ENTREP2: variants seen among roughly 807,000 people sequenced by gnomAD.
The protein encoded by ENTREP2 is protein ENTREP2.
At chr15:29,622,318 G>T in the ENTREP2 span, among the ~76,000 whole-genome samples, 27 of 152,176 alleles carry the variant, frequency 1.8e-4, 1 homozygote, top group African/African-American at 6.3e-4. Context: ...CAATTCTCCT[G>T]CTTCAGCCTC....
At chr15:29,225,166 A>T in the ENTREP2 span, among the ~76,000 whole-genome samples, 1 of 152,070 alleles carries the variant, frequency 6.6e-6, no homozygotes. Flanking sequence ...AACAGGCTCC[A>T]GCCTTGGCCA....
the ENTREP2 span, among the ~76,000 whole-genome samples, chr15:29,359,015 C>A: frequency 6.6e-6 from 1 of 152,084 alleles, no homozygotes; most frequent in Non-Finnish European, 1.5e-5. Context: ...AAATTCAAGA[C>A]AATAAAACAC....
At chr15:29,384,397 C>T in the ENTREP2 span, among the ~76,000 whole-genome samples, 371 of 152,242 alleles carry the variant, frequency 2.4e-3, no homozygotes, top group East Asian at 2.5e-3. Flanking sequence ...TGCCCTCTGC[C>T]GGCACGCTCC....
chr15:29,445,822 C>T, the ENTREP2 span, among the ~76,000 whole-genome samples: 4 of 152,178 alleles, frequency 2.6e-5, no homozygotes, highest in Non-Finnish European at 5.9e-5. Flanking sequence ...GGATTTGCAA[C>T]TGCCATCTAG....
chr15:29,374,289 C>T, the ENTREP2 span: 4 of 152,172 alleles, frequency 2.6e-5, no homozygotes, highest in East Asian at 7.7e-4. Flanking sequence ...TTTCTGCCTT[C>T]TTTTGCATTA....
chr15:29,199,356 C>T, the ENTREP2 span, among the ~76,000 whole-genome samples: 1 of 152,106 alleles, frequency 6.6e-6, no homozygotes, highest in Non-Finnish European at 1.5e-5. Flanking sequence ...GGATCTAACA[C>T]AGAAAAGAGA....
At chr15:29,420,348 A>C in the ENTREP2 span, among the ~76,000 whole-genome samples, 1 of 152,302 alleles carries the variant, frequency 6.6e-6, no homozygotes, top group African/African-American at 2.4e-5. Context: ...GGGGAAGAGG[A>C]CAAGGGAACT....
At chr15:29,134,827 G>A in the ENTREP2 span, among the ~76,000 whole-genome samples, 3 of 152,148 alleles carry the variant, frequency 2.0e-5, no homozygotes, top group African/African-American at 2.4e-5. Context: ...GTGGGCTCTC[G>A]GGATCTCAAA....
At chr15:29,359,763 A>G in the ENTREP2 span, among the ~76,000 whole-genome samples, 1 of 152,240 alleles carries the variant, frequency 6.6e-6, no homozygotes, top group East Asian at 1.9e-4. Context: ...TAAAGAGCAA[A>G]ACAAATTTGA....
the ENTREP2 span, among the ~76,000 whole-genome samples, chr15:29,258,355 A>C: frequency 6.6e-6 from 1 of 152,208 alleles, no homozygotes; most frequent in Non-Finnish European, 1.5e-5. Context: ...GAGGTCAAAA[A>C]ATAGTTGCTG....
chr15:29,663,648 G>A, the ENTREP2 span, among the ~76,000 whole-genome samples: 14 of 152,194 alleles, frequency 9.2e-5, 1 homozygote, highest in Non-Finnish European at 1.3e-4. Flanking sequence ...TCACTCATAG[G>A]TGGGAATTGA....
At chr15:29,176,275 A>G in the ENTREP2 span, among the ~76,000 whole-genome samples, 1 of 151,982 alleles carries the variant, frequency 6.6e-6, no homozygotes, top group Non-Finnish European at 1.5e-5. Context: ...CACATAGGGG[A>G]TGAGTGGTGG....
the ENTREP2 span, among the ~76,000 whole-genome samples, chr15:29,291,510 T>C: frequency 4.6e-5 from 7 of 152,206 alleles, no homozygotes; most frequent in Non-Finnish European, 1.0e-4. Flanking sequence ...AGACATCTGG[T>C]GACTCTAATT....
the ENTREP2 span, among the ~76,000 whole-genome samples, chr15:29,495,094 A>G: frequency 6.6e-6 from 1 of 152,184 alleles, no homozygotes; most frequent in Admixed American, 6.5e-5. Flanking sequence ...TGGTTGTTCT[A>G]TAATTTTTTG....
chr15:29,650,977 C>A, the ENTREP2 span, among the ~76,000 whole-genome samples: 1 of 152,110 alleles, frequency 6.6e-6, no homozygotes, highest in South Asian at 2.1e-4. Context: ...GATTGCACTA[C>A]TGCATGCCAG....
the ENTREP2 span, among the ~76,000 whole-genome samples, chr15:29,274,285 T>G: frequency 6.6e-6 from 1 of 152,216 alleles, no homozygotes; most frequent in Non-Finnish European, 1.5e-5. Flanking sequence ...TTATTATGTT[T>G]CTCTTCTCAC....
the ENTREP2 span, among the ~76,000 whole-genome samples, chr15:29,274,684 A>T: frequency 6.6e-6 from 1 of 152,184 alleles, no homozygotes; most frequent in Non-Finnish European, 1.5e-5. Context: ...ACAAAGTTGT[A>T]TATACTGCAG....
At chr15:29,223,132 T>C in the ENTREP2 span, among the ~76,000 whole-genome samples, 1 of 152,224 alleles carries the variant, frequency 6.6e-6, no homozygotes, top group South Asian at 2.1e-4. Flanking sequence ...TGACGGCCAA[T>C]GGACAGTGAC....
chr15:29,304,790 G>C, the ENTREP2 span, among the ~76,000 whole-genome samples: 2 of 152,050 alleles, frequency 1.3e-5, no homozygotes, highest in African/African-American at 4.8e-5. Context: ...TCTAGCCACA[G>C]GGCCTCCTGG....
Sources: gnomAD v4.1 joint callset for allele counts (sites outside exome capture counted in the v4.1 genomes callset) on GRCh38, gnomAD v4.1.1 for gene constraint, MANE v1.5 for transcripts, NCBI Gene and HGNC (gene_info 2026-07-23, HGNC 2026-07-21) for gene names.